The following LHCGR variants were observed in gnomAD, a reference collection of about 807,000 sequenced individuals.
LHCGR encodes lutropin-choriogonadotropic hormone receptor.
LHCGR carries 55 observed loss-of-function variants against 60.7 expected under a neutral mutation model. That is an observed-to-expected ratio of 0.91 (90% confidence interval 0.73 to 1.13). LHCGR has a LOEUF of 1.13. Among genes scored for constraint, LHCGR ranks in the 50% most tolerant of loss-of-function variants. The pLI, the probability that LHCGR is intolerant of heterozygous loss-of-function variation, is 0.00. For synonymous variants in LHCGR, 337 were observed against 316.5 expected (o/e 1.06, Z -0.69); for missense variants, 862 against 836.0 (o/e 1.03, Z -0.38).
intron 1 of LHCGR, among the ~76,000 whole-genome samples, chr2:48,732,181 G>A (rs1293039825): frequency 6.6e-6 from 1 of 152,308 alleles, no homozygotes; most frequent in East Asian, 1.9e-4. Flanking sequence ...TGCAAGGCAG[G>A]GACGAACATG....
chr2:48,695,818 A>G (rs1001141368), intron 9 of LHCGR, among the ~76,000 whole-genome samples: 1 of 152,230 alleles, frequency 6.6e-6, no homozygotes, highest in Non-Finnish European at 1.5e-5. Context: ...CTCACTTAAA[A>G]GAGGGAGCTA....
rs186459738 is a variant in LHCGR at position 48,754,656 on chromosome 2, T to C, written c.161+855A>G. 1.4e-4 allele frequency among the ~76,000 whole-genome samples: 21 copies of C among 151,218 alleles called. No homozygotes were observed. The South Asian group carries it at 3.6e-3, about 26-fold the overall frequency. On this transcript the variant is annotated intron_variant, in intron 1 of 10. Transcript: ENST00000294954. ...GTCACCTACTGTCCCTCCCATCCGC[T>C]TCCCCAGCCCTGGTAACTACTAATC... is the stretch of plus-strand genomic sequence containing the variant.
chr2:48,747,666 T>C (rs977178889), intron 1 of LHCGR, among the ~76,000 whole-genome samples: 1 of 152,218 alleles, frequency 6.6e-6, no homozygotes, highest in African/African-American at 2.4e-5. Flanking sequence ...CGACTCCTTG[T>C]AAATCTAGGG....
chr2:48,739,418 T>C (rs987473215), intron 1 of LHCGR, among the ~76,000 whole-genome samples: 6 of 152,124 alleles, frequency 3.9e-5, no homozygotes, highest in Non-Finnish European at 7.3e-5. Context: ...AAGCCAAATG[T>C]CCAACAATGA....
intron 9 of LHCGR, 64 bp from the exon 10 acceptor site, chr2:48,694,368 C>A: frequency 1.0e-6 from 1 of 960,038 alleles, no homozygotes; most frequent in Non-Finnish European, 1.7e-6. Context: ...CCTGACTGTG[C>A]GTCTATTTAT....
At chr2:48,739,512 G>C (rs546322709) in intron 1 of LHCGR, among the ~76,000 whole-genome samples, 1 of 152,276 alleles carries the variant, frequency 6.6e-6, no homozygotes, top group Admixed American at 6.5e-5. Flanking sequence ...GTCCTTTGTA[G>C]GGACATGGAT....
rs926321157 is a variant in LHCGR, at chr2:48,755,553, C to T, written c.119G>A (p.Gly40Asp). The T allele has an allele frequency of 6.5e-7, 1 of 1,541,200 alleles. No individual in the cohort carries two copies. The highest frequency in any genetic ancestry group is 8.7e-7 in the Non-Finnish European group (1 of 1,145,026). The change falls in exon 1 of 11, where the codon GGC (glycine) becomes GAC (aspartate). Residue 40 changes from glycine to aspartate, a missense_variant. Coordinates refer to ENST00000294954, the MANE Select transcript of LHCGR (RefSeq NM_000233.4). ...CGTGGGGCCGGGGCAGCGCAGGGCG[C>T]CGTCGGGCACGCAGTTGCAGGGCTC... is the stretch of plus-strand genomic sequence containing the variant. ...CPEPCNCVPD[G>D]ALRCPGPTAG...
intron 8 of LHCGR, among the ~76,000 whole-genome samples, chr2:48,706,707 C>T (rs1026575486): frequency 1.3e-5 from 2 of 152,132 alleles, no homozygotes; most frequent in Non-Finnish European, 2.9e-5. Context: ...GTATGCTTCA[C>T]GAAGTTCTCA....
Position 48,687,737 on chromosome 2 carries a change from C to T in LHCGR, c.2060G>A (p.Gly687Asp). 1.9e-6 allele frequency: 3 copies of T among 1,614,016 alleles called. No homozygotes were observed. The highest frequency in any genetic ancestry group is 2.5e-6 in the Non-Finnish European group (3 of 1,179,972). ...TLKLSTLHCQGTALLDKTRYT... is the reference protein window; with the variant it reads ...TLKLSTLHCQDTALLDKTRYT... ...GCGAGTCTTGTCTAGGAGAGCTGTA[C>T]CTTGACAGTGCAATGTGGACAACTT... The change falls in exon 11 of 11, where the codon GGT becomes GAT. Residue 687 changes from glycine to aspartate, a missense_variant. Coordinates refer to ENST00000294954, the MANE Select transcript of LHCGR (RefSeq NM_000233.4).
chr2:48,721,402 T>G (rs1363722117), intron 6 of LHCGR: 4 of 238,738 alleles, frequency 1.7e-5, no homozygotes, highest in Non-Finnish European at 3.4e-5. Flanking sequence ...GAGAAATATT[T>G]CTAGGATCAA....
At chr2:48,711,506 A>ATGT (rs1667987611) in intron 7 of LHCGR, among the ~76,000 whole-genome samples, 1 of 152,152 alleles carries the variant, frequency 6.6e-6, no homozygotes, top group Non-Finnish European at 1.5e-5. Context: ...CAACAGTGAG[A>ATGT]TACAGGGTAT....
chr2:48,721,502 G>C (rs1668493917), intron 6 of LHCGR: 1 of 302,460 alleles, frequency 3.3e-6, no homozygotes, highest in Admixed American at 4.0e-5. Context: ...GTATTCTTTT[G>C]ATTGCATTAA....
chr2:48,711,161 G>T (rs1399775981), intron 7 of LHCGR, among the ~76,000 whole-genome samples: 1 of 152,150 alleles, frequency 6.6e-6, no homozygotes, highest in East Asian at 1.9e-4. Context: ...TCATCCTTCA[G>T]GCTCAGCCTA....
rs572022679 is a variant in LHCGR, at chr2:48,742,184, T to G, written c.162-10886A>C. Among the ~76,000 whole-genome samples the G allele has an allele frequency of 5.9e-3, 890 of 151,950 alleles. 11 individuals carry two copies. The highest frequency in any genetic ancestry group is 0.02 in the African/African-American group (836 of 41,442). On this transcript the variant is annotated intron_variant, in intron 1 of 10. Transcript: ENST00000294954. ...GGACCCAATACAGGAGCACCCAGAT[T>G]CATAAAGCAAGTCCTGAGTGACCTA... is the stretch of plus-strand genomic sequence containing the variant.
At chr2:48,753,124 T>G (rs1670053954) in intron 1 of LHCGR, among the ~76,000 whole-genome samples, 1 of 152,098 alleles carries the variant, frequency 6.6e-6, no homozygotes, top group Non-Finnish European at 1.5e-5. Context: ...CTGAGGAGCT[T>G]GTTAATCTGT....
At chr2:48,708,676 A>G (rs1408473181) in intron 8 of LHCGR, 6 of 561,690 alleles carry the variant, frequency 1.1e-5, no homozygotes, top group Non-Finnish European at 1.9e-5. Flanking sequence ...TGCTTTCTTC[A>G]CAGCCCTCAG....
chr2:48,700,870 G>T (rs1040559359), intron 8 of LHCGR, among the ~76,000 whole-genome samples: 1 of 152,144 alleles, frequency 6.6e-6, no homozygotes, highest in Admixed American at 6.5e-5. Context: ...GATTGACAAC[G>T]ACAGAAGTTA....
intron 3 of LHCGR, 97 bp from the exon 4 acceptor site, chr2:48,725,847 T>A: frequency 1.0e-6 from 1 of 1,000,812 alleles, no homozygotes; most frequent in Non-Finnish European, 1.6e-6. Flanking sequence ...TGGCTGAAAA[T>A]GGCATCAGCA....
chr2:48,689,184 C>T (rs7589573), intron 10 of LHCGR, among the ~76,000 whole-genome samples: 124,043 of 150,774 alleles, frequency 0.82, 52,548 homozygotes, highest in East Asian at 0.99. Flanking sequence ...TATATACACA[C>T]ATATATATAC....
Sources: allele counts gnomAD v4.1 joint callset (sites outside exome capture counted in the v4.1 genomes callset), GRCh38; gene constraint gnomAD v4.1.1; transcripts MANE v1.5; gene names NCBI Gene and HGNC (gene_info 2026-07-23, HGNC 2026-07-21).